Variants in MYO1F observed in about 807,000 individuals in gnomAD.
MYO1F encodes unconventional myosin-If.
In MYO1F, 60 loss-of-function variants were observed where a neutral mutation model predicts 146.6. The ratio of observed to expected loss-of-function variants is 0.41; its 90% confidence interval spans 0.33 to 0.51. MYO1F has a LOEUF of 0.51. Ranked by LOEUF, MYO1F falls within the 20% of genes least tolerant of loss-of-function variation. MYO1F has a pLI of 0.25. For missense variants in MYO1F, 1,274 were observed against 1,534.3 expected, an observed-to-expected ratio of 0.83 and a Z score of 2.83; for synonymous variants, 602 against 602.1, an observed-to-expected ratio of 1.00 and a Z score of 0.00.
At chr19:8,527,053 C>T (rs568278246) in intron 22 of MYO1F, 118 bp from the exon 23 acceptor site, 161 of 1,361,034 alleles carry the variant, frequency 1.2e-4, no homozygotes, top group Middle Eastern at 1.8e-4. Flanking sequence ...GCCAAGTCAG[C>T]GGTGACCAGG....
chr19:8,562,998 T>C (rs938235884), intron 1 of MYO1F, among the ~76,000 whole-genome samples: 1 of 150,268 alleles, frequency 6.7e-6, no homozygotes, highest in Non-Finnish European at 1.5e-5. Context: ...CCTTCTTTCC[T>C]TTTTTTGTTT....
intron 1 of MYO1F, among the ~76,000 whole-genome samples, chr19:8,571,006 C>T (rs544630368): frequency 6.6e-6 from 1 of 152,352 alleles, no homozygotes; most frequent in East Asian, 1.9e-4. Flanking sequence ...GCGTTCCTCA[C>T]TGTCCCCATC....
At position 8,555,803 on chromosome 19, in the gene MYO1F, G is replaced by A; in HGVS notation, c.4-7C>T. On this transcript the variant is annotated splice_region_variant and splice_polypyrimidine_tract_variant and intron_variant, in intron 1 of 27. Transcript: ENST00000644032. ...GGAAGCGCTCCTTGCTGCCCTGGGG[G>A]GTGAGAGGGGGGTCGGGGTGAGCCC... is the stretch of plus-strand genomic sequence containing the variant. 1.2e-6 allele frequency: 2 copies of A among 1,610,356 alleles called. No homozygotes were observed. Among genetic ancestry groups the A allele is most frequent in the Admixed American group, 1.7e-5 (1 of 59,952 alleles).
chr19:8,564,186 G>A (rs556046520), intron 1 of MYO1F, among the ~76,000 whole-genome samples: 120 of 151,948 alleles, frequency 7.9e-4, no homozygotes, highest in Non-Finnish European at 1.3e-3. Context: ...TTCGAGACCA[G>A]CCTGGCCAAC....
chr19:8,551,236 AAG>A (rs1568358318), intron 8 of MYO1F, among the ~76,000 whole-genome samples: 1 of 151,430 alleles, frequency 6.6e-6, no homozygotes, highest in Non-Finnish European at 1.5e-5. Context: ...ATTCTTAATA[AAG>A]ATGGGGTTTC....
intron 19 of MYO1F, among the ~76,000 whole-genome samples, chr19:8,532,709 G>A (rs1972530671): frequency 6.6e-6 from 1 of 151,884 alleles, no homozygotes; most frequent in Non-Finnish European, 1.5e-5. Flanking sequence ...AACATAGAAA[G>A]ACCCCGTCTC....
At position 8,521,275 on chromosome 19, in the gene MYO1F, A is replaced by T. The variant is rs1419208183; in HGVS notation, c.*253T>A. 3.7e-6 allele frequency: 2 copies of T among 545,650 alleles called. No individual in the cohort carries two copies. Among genetic ancestry groups the T allele is most frequent in the Non-Finnish European group, 6.7e-6 (2 of 300,578 alleles). The allele number at this position is 545,650 out of a possible 1,614,324, so 33.8% of individuals were successfully genotyped here. On this transcript the variant is annotated 3_prime_UTR_variant, in exon 28 of 28. Transcript: ENST00000644032. ...CAGTTGGGAGGTAGATTCTGCTGTT[A>T]GTCCCCTTTGACACACACAGAAATG...
At chr19:8,560,020 G>T (rs1050575301) in intron 1 of MYO1F, among the ~76,000 whole-genome samples, 2 of 151,922 alleles carry the variant, frequency 1.3e-5, no homozygotes, top group African/African-American at 2.4e-5. Context: ...TGGTTTGGGG[G>T]ATGTAGATGG....
chr19:8,543,356 T>A (rs1402846148), intron 14 of MYO1F, among the ~76,000 whole-genome samples: 1 of 151,876 alleles, frequency 6.6e-6, no homozygotes, highest in East Asian at 1.9e-4. Context: ...TCGGTAGGGG[T>A]CTGTAGGAGG....
chr19:8,539,259 A>G (rs1205583715), intron 16 of MYO1F, among the ~76,000 whole-genome samples: 2 of 152,100 alleles, frequency 1.3e-5, no homozygotes, highest in Admixed American at 6.6e-5. Flanking sequence ...TACTGAAAAT[A>G]CAAAATTAGC....
chr19:8,522,329 G>A (rs772408876), intron 27 of MYO1F, 48 bp downstream of exon 27: 21 of 1,612,020 alleles, frequency 1.3e-5, no homozygotes, highest in Admixed American at 1.7e-5. Context: ...GCCGATGTCA[G>A]GGTTCTTACC....
At chr19:8,552,276 T>G (rs1367048837) in intron 6 of MYO1F, 112 bp from the exon 7 acceptor site, 14 of 1,167,766 alleles carry the variant, frequency 1.2e-5, no homozygotes, top group Non-Finnish European at 1.4e-5. Context: ...CTTTTTTTTT[T>G]GAGACAGAAT....
intron 25 of MYO1F, among the ~76,000 whole-genome samples, chr19:8,523,821 A>G (rs1972156496): frequency 6.6e-6 from 1 of 152,104 alleles, no homozygotes; most frequent in Non-Finnish European, 1.5e-5. Flanking sequence ...TGCCCAGCTA[A>G]TTTAAAAAGA....
intron 1 of MYO1F, among the ~76,000 whole-genome samples, chr19:8,559,336 T>TGGGGGGG (rs1156978401): frequency 4.6e-5 from 1 of 21,798 alleles, no homozygotes; most frequent in African/African-American, 8.7e-5. Context: ...CTTGAGGGGG[T>TGGGGGGG]GGGGGGTGGG....
At position 8,522,394 on chromosome 19, in the gene MYO1F, A is replaced by G. The variant is rs767302243; in HGVS notation, c.3203T>C (p.Ile1068Thr). 4.3e-6 allele frequency: 7 copies of G among 1,614,052 alleles called. No homozygotes were observed. In the South Asian group the frequency reaches 5.5e-5, roughly 13 times the overall value. ...DELSFNVNEV[I>T]EILMEDPSGW... ...ACACACACCTTCCATGAGGATCTCA[A>G]TGACCTCGTTCACGTTGAAGCTCAG... The change falls in exon 27 of 28, where the codon ATT (isoleucine) becomes ACT (threonine). Residue 1068 changes from isoleucine (I) to threonine (T), a missense_variant. Coordinates refer to ENST00000644032, the MANE Select transcript of MYO1F (RefSeq NM_012335.4).
chr19:8,541,644 G>A (rs1183659632), intron 15 of MYO1F: 3 of 495,134 alleles, frequency 6.1e-6, no homozygotes, highest in African/African-American at 2.0e-5. Context: ...GCCCAGGCTG[G>A]TCTCAAACTC....
intron 19 of MYO1F, among the ~76,000 whole-genome samples, chr19:8,534,753 G>A (rs1429701177): frequency 1.3e-5 from 2 of 151,552 alleles, no homozygotes; most frequent in Admixed American, 1.3e-4. Flanking sequence ...AGCCTCCTGA[G>A]TAGCTGGGAT....
In MYO1F at chr19:8,544,375, C is replaced by T. The variant is rs61744125; in HGVS notation, c.1446G>A (p.Lys482=). 2,614 of 1,613,188 alleles carry T rather than the reference C, an allele frequency of 1.6e-3. 51 individuals are homozygous for T. The African/African-American group carries it at 0.033, about 20-fold the overall frequency. ...GGGADQTLLQ[K]LQAAVGTHEH... ...CGTGGGTCCCCACAGCCGCCTGCAG[C>T]TTCTGCAGCAGTGTCTGGTCTGCTC... Residue 482 remains lysine, a synonymous_variant, in exon 14 of 28, where the codon AAG becomes AAA. Transcript: ENST00000644032.
Position 8,536,953 on chromosome 19 carries a change from TCTC to T in MYO1F, c.1792_1794del (p.Glu598del), listed in dbSNP as rs1972750968. 1.9e-6 allele frequency: 3 copies of T among 1,610,832 alleles called. No homozygotes were observed. The highest frequency in any genetic ancestry group is 1.3e-5 in the African/African-American group (1 of 74,472). On this transcript the variant is annotated inframe_deletion, in exon 17 of 28. Transcript: ENST00000644032. ...GGATTGGTTGGGGGGGATCACCTGT[TCTC>T]CTCCCAGTCTCGGGGCCTCTTGGTC... is the stretch of plus-strand genomic sequence containing the variant.
Sources: allele counts gnomAD v4.1 joint callset (sites outside exome capture counted in the v4.1 genomes callset), GRCh38; gene constraint gnomAD v4.1.1; transcripts MANE v1.5; gene names NCBI Gene and HGNC (gene_info 2026-07-23, HGNC 2026-07-21).